The following ECE1 variants were observed in gnomAD, a reference collection of about 807,000 sequenced individuals.
ECE1 encodes endothelin-converting enzyme 1.
A neutral mutation model predicts 98.6 loss-of-function variants in ECE1; 35 were observed. The observed-to-expected ratio is 0.35, with a 90% confidence interval of 0.27 to 0.47. The LOEUF (loss-of-function observed/expected upper bound fraction) is 0.47, where lower values mean the gene tolerates loss of function less well. Ranked by LOEUF, ECE1 falls within the 20% of genes least tolerant of loss-of-function variation. The probability of loss-of-function intolerance (pLI) is 1.00; values close to 1 mark genes in which losing one functional copy is unlikely to be tolerated. For missense variants in ECE1, 814 were observed against 1,025.3 expected, an observed-to-expected ratio of 0.79 and a Z score of 2.81; for synonymous variants, 394 against 407.1, an observed-to-expected ratio of 0.97 and a Z score of 0.39.
intron 4 of ECE1, among the ~76,000 whole-genome samples, chr1:21,270,800 G>A (rs777954630): frequency 8.5e-5 from 13 of 152,152 alleles, no homozygotes; most frequent in Admixed American, 1.3e-4. Context: ...AACAAGCCAG[G>A]GAGGTGATGT....
At chr1:21,318,375 C>T (rs528536413) in intron 1 of ECE1, among the ~76,000 whole-genome samples, 3 of 152,188 alleles carry the variant, frequency 2.0e-5, no homozygotes, top group Admixed American at 1.3e-4. Flanking sequence ...GGTCATGACG[C>T]AGTTGGGGAA....
intron 1 of ECE1, among the ~76,000 whole-genome samples, chr1:21,331,118 T>G (rs530713626): frequency 9.5e-4 from 144 of 151,950 alleles, no homozygotes; most frequent in African/African-American, 3.4e-3. Flanking sequence ...TACAAAAAAA[T>G]TAGGCCAGGC....
chr1:21,222,628 G>A (rs1016634739), intron 17 of ECE1, among the ~76,000 whole-genome samples: 2 of 152,028 alleles, frequency 1.3e-5, no homozygotes, highest in Admixed American at 1.3e-4. Context: ...ATCACCTGAG[G>A]TTAGGAGTTT....
intron 4 of ECE1, among the ~76,000 whole-genome samples, chr1:21,267,801 G>C (rs1031459487): frequency 4.6e-5 from 7 of 152,160 alleles, no homozygotes; most frequent in Non-Finnish European, 1.0e-4. Context: ...ATATGCGCAG[G>C]AAGATGAAAC....
chr1:21,317,315 T>C (rs914009852), intron 1 of ECE1, among the ~76,000 whole-genome samples: 1 of 152,108 alleles, frequency 6.6e-6, no homozygotes. Flanking sequence ...CTTCTGAGAA[T>C]TAAACAAGGT....
intron 10 of ECE1, chr1:21,238,460 T>C (rs2098191235): frequency 1.6e-6 from 1 of 611,800 alleles, no homozygotes; most frequent in African/African-American, 1.8e-5. Flanking sequence ...GGCTCTGTGC[T>C]GGGACTTCAC....
rs1014081021 is a variant in ECE1, at chr1:21,290,304, C to T, written c.51+60G>A. On this transcript the variant is annotated intron_variant, in intron 1 of 18. Coordinates refer to ENST00000374893, the MANE Select transcript of ECE1 (RefSeq NM_001397.3). The surrounding 1 kb of genome is among the most constrained non-coding windows in gnomAD (Gnocchi z 7.3). The stretch of plus-strand genomic sequence containing the variant: ...ACCGAGACCGGCCCACGGAGCGGCC[C>T]GCGCGGGGAGGGGTCCCGCCCGCCT... The T allele has an allele frequency of 7.1e-5, 88 of 1,240,550 alleles. No homozygotes were observed. Among genetic ancestry groups the T allele is most frequent in the Non-Finnish European group, 8.6e-5 (86 of 995,076 alleles). The allele number at this position is 1,240,550 out of a possible 1,614,324, so 76.8% of individuals were successfully genotyped here. A position where few individuals can be genotyped will look rare whatever the true frequency, so the allele number is the denominator to read the frequency against.
At position 21,340,524 on chromosome 1, in the gene ECE1, C is replaced by T. The variant is rs1190067827; in HGVS notation, c.3+4852G>A. 6.6e-6 allele frequency among the ~76,000 whole-genome samples: 1 copy of T among 152,218 alleles called. No individual in the cohort carries two copies. The highest frequency in any genetic ancestry group is 1.9e-4 in the East Asian group (1 of 5,194). On this transcript the variant is annotated intron_variant, in intron 1 of 18. Transcript: ENST00000415912. The surrounding 1 kb of genome is among the most constrained non-coding windows in gnomAD (Gnocchi z 4.6). ...GACCATCTCAGAATGCAAATCCGAC[C>T]GTGTCACTCCCCTGACTCTAAACTC... is the stretch of plus-strand genomic sequence containing the variant.
At chr1:21,227,335 C>T (rs897770585) in intron 15 of ECE1, 109 bp from the exon 16 acceptor site, 1 of 1,119,890 alleles carries the variant, frequency 8.9e-7, no homozygotes, top group Non-Finnish European at 1.4e-6. Flanking sequence ...AGCAAAATTC[C>T]ACAGGGCTCT....
Position 21,290,235 on chromosome 1 carries a change from T to TGGCGCC in ECE1, c.52-85_52-80dup, listed in dbSNP as rs1379417888. The TGGCGCC allele has an allele frequency of 2.2e-6, 3 of 1,387,346 alleles. No homozygotes were observed. The highest frequency in any genetic ancestry group is 1.5e-5 in the African/African-American group (1 of 66,886). The allele number at this position is 1,387,346 out of a possible 1,614,324, so 85.9% of individuals were successfully genotyped here. A position where few individuals can be genotyped will look rare whatever the true frequency, so the allele number is the denominator to read the frequency against. ...CCGAATGGGGAAGCGGCCCCGACCCTGGCGCCGCCGCCGCCGCGCCCCGCC... is the reference window on the plus strand; with the variant it reads ...CCGAATGGGGAAGCGGCCCCGACCCTGGCGCCGGCGCCGCCGCCGCCGCGCCCCGCC... On this transcript the variant is annotated intron_variant, in intron 1 of 18. Coordinates refer to ENST00000374893, the MANE Select transcript of ECE1 (RefSeq NM_001397.3). The surrounding 1 kb of genome is among the most constrained non-coding windows in gnomAD (Gnocchi z 7.3).
Position 21,322,526 on chromosome 1 carries a change from C to T in ECE1, c.3+22850G>A, listed in dbSNP as rs12744647. Among the ~76,000 whole-genome samples, 2 of 152,178 alleles carry T rather than the reference C, an allele frequency of 1.3e-5. No homozygotes were observed. Among genetic ancestry groups the T allele is most frequent in the Non-Finnish European group, 2.9e-5 (2 of 68,016 alleles). On this transcript the variant is annotated intron_variant, in intron 1 of 18. Transcript: ENST00000415912. The surrounding 1 kb of genome is among the most constrained non-coding windows in gnomAD (Gnocchi z 4.1). Reference sequence around the variant, plus strand: ...GCTGAGGCACAGGTTGGGGCTGTGCCAGGCCCCCCACATGTGTCACACTCC... The same window carrying T: ...GCTGAGGCACAGGTTGGGGCTGTGCTAGGCCCCCCACATGTGTCACACTCC...
rs755563951 is a variant in ECE1, at chr1:21,247,328, G to A, written c.1056C>T (p.Leu352=). Residue 352 remains leucine, a synonymous_variant, in exon 9 of 19, where the codon CTC becomes CTT. Transcript: ENST00000374893. The part of the protein sequence containing the change: ...LAPAINWLPF[L]NTIFYPVEIN... ...TCTCCACGGGGTAGAAGATGGTGTT[G>A]AGAAAAGGCAACCAGTTGATGGCGG... The A allele has an allele frequency of 6.2e-7, 1 of 1,614,232 alleles. No individual in the cohort carries two copies. The highest frequency in any genetic ancestry group is 1.1e-5 in the South Asian group (1 of 91,086).
intron 10 of ECE1, among the ~76,000 whole-genome samples, chr1:21,240,130 C>T (rs1202401633): frequency 6.6e-6 from 1 of 152,134 alleles, no homozygotes; most frequent in Non-Finnish European, 1.5e-5. Flanking sequence ...AAGATCAGGC[C>T]ACTGCACTCC....
chr1:21,315,296 A>G (rs1638808534), intron 1 of ECE1, among the ~76,000 whole-genome samples: 2 of 152,116 alleles, frequency 1.3e-5, no homozygotes, highest in South Asian at 4.1e-4. Flanking sequence ...CCTCCATCCA[A>G]CTGCAGCTGA....
chr1:21,261,512 C>A (rs990472441), intron 4 of ECE1, among the ~76,000 whole-genome samples: 1 of 152,182 alleles, frequency 6.6e-6, no homozygotes, highest in East Asian at 1.9e-4. Context: ...AAGGCCTCTA[C>A]GGGGACATCT....
At chr1:21,265,437 C>T (rs909457344) in intron 4 of ECE1, among the ~76,000 whole-genome samples, 1 of 152,176 alleles carries the variant, frequency 6.6e-6, no homozygotes, top group African/African-American at 2.4e-5. Flanking sequence ...CAGGCTGAGG[C>T]ACAAGAATCG....
In ECE1 at chr1:21,254,099, C is replaced by A. The variant is rs982867644; in HGVS notation, c.1020+1848G>T. On this transcript the variant is annotated intron_variant, in intron 8 of 18. Transcript: ENST00000374893. ...AAAAAAAAAAAAAAAAAAAGAGGAA[C>A]CACAGTCCCTTGTGAGGGCAAGGGC... is the stretch of plus-strand genomic sequence containing the variant. 2.7e-5 allele frequency among the ~76,000 whole-genome samples: 4 copies of A among 148,646 alleles called. No homozygotes were observed. In the South Asian group the frequency reaches 6.4e-4, roughly 24 times the overall value.
intron 17 of ECE1, among the ~76,000 whole-genome samples, chr1:21,222,834 C>A (rs1324417516): frequency 1.9e-4 from 23 of 123,198 alleles, no homozygotes; most frequent in Middle Eastern, 4.3e-3. Flanking sequence ...AGAGTGAGAC[C>A]CTGTCTCAAA....
chr1:21,345,266 C>A lies in ECE1; in HGVS notation c.3+110G>T, dbSNP rs1439157805. 2 of 1,195,796 alleles carry A rather than the reference C, an allele frequency of 1.7e-6. No individual in the cohort carries two copies. The highest frequency in any genetic ancestry group is 1.6e-5 in the African/African-American group (1 of 61,966). 74.1% of individuals were successfully genotyped at this position (1,195,796 alleles called of 1,614,324 possible). ...GGGCGGGGGCTGCTGCTGCAGCCGGCGCCCAGCCCCCCGCGAGCCAGGGCG... is the reference window on the plus strand; with the variant it reads ...GGGCGGGGGCTGCTGCTGCAGCCGGAGCCCAGCCCCCCGCGAGCCAGGGCG... On this transcript the variant is annotated intron_variant, in intron 1 of 18. Transcript: ENST00000415912. The surrounding 1 kb of genome is among the most constrained non-coding windows in gnomAD (Gnocchi z 5.1).
Sources: allele counts gnomAD v4.1 joint callset (sites outside exome capture counted in the v4.1 genomes callset), GRCh38; gene constraint gnomAD v4.1.1; non-coding constraint Gnocchi (gnomAD v3.1); transcripts MANE v1.5; gene names NCBI Gene and HGNC (gene_info 2026-07-23, HGNC 2026-07-21).